ABI1: variants seen among roughly 807,000 people sequenced by gnomAD.
The protein encoded by ABI1 is Abelson interactor 1.
Under a neutral mutation model 54.6 loss-of-function variants are expected in ABI1, and 14 were observed. That is an observed-to-expected ratio of 0.26 (90% CI 0.17 to 0.40). The LOEUF is 0.40. Ranked by LOEUF, ABI1 falls within the 10% of genes least tolerant of loss-of-function variation. The pLI is 1.00. For missense variants in ABI1, 443 were observed against 598.3 expected, an observed-to-expected ratio of 0.74 and a Z score of 2.71; for synonymous variants, 194 against 209.3, an observed-to-expected ratio of 0.93 and a Z score of 0.63.
At chr10:26,780,660 A>T (rs1228160545) in intron 2 of ABI1, among the ~76,000 whole-genome samples, 1 of 152,160 alleles carries the variant, frequency 6.6e-6, no homozygotes, top group Non-Finnish European at 1.5e-5. Flanking sequence ...AAGAAAGATG[A>T]TTAGGAGTGG....
chr10:26,817,096 T>G (rs2047622640), intron 2 of ABI1, among the ~76,000 whole-genome samples: 1 of 151,538 alleles, frequency 6.6e-6, no homozygotes, highest in South Asian at 2.1e-4. Flanking sequence ...GCCTCCCGAG[T>G]TGAGGCGATT....
intron 1 of ABI1, among the ~76,000 whole-genome samples, chr10:26,838,942 T>C (rs1280809886): frequency 2.0e-5 from 3 of 152,200 alleles, no homozygotes; most frequent in Admixed American, 6.5e-5. Context: ...ATAATTCTAA[T>C]GTGGCCTCTA....
chr10:26,857,939 A>G (rs1271811321), intron 1 of ABI1, among the ~76,000 whole-genome samples: 2 of 152,188 alleles, frequency 1.3e-5, no homozygotes, highest in Admixed American at 6.5e-5. Context: ...ACAACCTACT[A>G]GTTAAAAGTC....
At position 26,823,321 on chromosome 10, in the gene ABI1, A is replaced by C. The variant is rs375823400; in HGVS notation, c.118-16T>G. ...TGTCTGTAGCCTGAAATAAGAACAA[A>C]AACAACAAATACTTATTTAGATTAA... On this transcript the variant is annotated splice_polypyrimidine_tract_variant and intron_variant, in intron 1 of 10. Transcript: ENST00000376140. The C allele has an allele frequency of 6.4e-5, 96 of 1,499,202 alleles. No homozygotes were observed. In the African/African-American group the frequency reaches 1.2e-3, roughly 20 times the overall value. 92.9% of individuals were successfully genotyped at this position (1,499,202 alleles called of 1,614,324 possible). A position where few individuals can be genotyped will look rare whatever the true frequency, so the allele number is the denominator to read the frequency against.
intron 2 of ABI1, among the ~76,000 whole-genome samples, chr10:26,807,830 G>A (rs1184143965): frequency 6.6e-6 from 1 of 152,160 alleles, no homozygotes; most frequent in East Asian, 1.9e-4. Flanking sequence ...GGTGGCTCAC[G>A]TTTGTAATCC....
chr10:26,829,490 C>CT (rs1320269232), intron 1 of ABI1, among the ~76,000 whole-genome samples: 2 of 152,066 alleles, frequency 1.3e-5, no homozygotes, highest in South Asian at 4.1e-4. Context: ...CAAAAAGAAA[C>CT]TTTGTGAGGC....
At chr10:26,801,342 T>C (rs2046544612) in intron 2 of ABI1, among the ~76,000 whole-genome samples, 1 of 151,856 alleles carries the variant, frequency 6.6e-6, no homozygotes, top group South Asian at 2.1e-4. Flanking sequence ...AGCTCACAAG[T>C]TTGAGACCAG....
At chr10:26,767,167 T>C (rs1051776250) in intron 6 of ABI1, among the ~76,000 whole-genome samples, 1 of 152,198 alleles carries the variant, frequency 6.6e-6, no homozygotes, top group Non-Finnish European at 1.5e-5. Context: ...GCTTCCACTA[T>C]AGAGAAAAAC....
At chr10:26,764,095 T>C (rs1467294400) in intron 7 of ABI1, 5 of 567,740 alleles carry the variant, frequency 8.8e-6, no homozygotes, top group Non-Finnish European at 1.5e-5. Context: ...CAAATGAGTA[T>C]GAATTTTGTA....
rs772702867 is a variant in ABI1 at position 26,777,249 on chromosome 10, T to A, written c.286-8A>T. 2 of 1,595,624 alleles carry A rather than the reference T, an allele frequency of 1.3e-6. No individual in the cohort carries two copies. Among genetic ancestry groups the A allele is most frequent in the Non-Finnish European group, 1.7e-6 (2 of 1,172,128 alleles). On this transcript the variant is annotated splice_region_variant and splice_polypyrimidine_tract_variant and intron_variant, in intron 2 of 10. Coordinates refer to ENST00000376140, the MANE Select transcript of ABI1 (RefSeq NM_001012750.3). ...CTTATGAATATCCACAGTCTATATTTTAATTTGAACAAAACAAGAAAATAT... is the reference window on the plus strand; with the variant it reads ...CTTATGAATATCCACAGTCTATATTATAATTTGAACAAAACAAGAAAATAT...
Position 26,788,244 on chromosome 10 carries a change from C to A in ABI1, c.286-11003G>T, listed in dbSNP as rs534637246. Among the ~76,000 whole-genome samples, 6 of 152,288 alleles carry A rather than the reference C, an allele frequency of 3.9e-5. No homozygotes were observed. In the South Asian group the frequency reaches 1.2e-3, roughly 32 times the overall value. ...TTGCCTCCCGGCATGATTCTTAGGC[C>A]TCCCCAGCCATGTGGAACTATAAGC... is the stretch of plus-strand genomic sequence containing the variant. On this transcript the variant is annotated intron_variant, in intron 2 of 10. Transcript: ENST00000376140.
chr10:26,797,828 G>A (rs1052766689), intron 2 of ABI1, among the ~76,000 whole-genome samples: 2 of 152,138 alleles, frequency 1.3e-5, no homozygotes, highest in Admixed American at 6.5e-5. Context: ...TCACTGAGGG[G>A]TTTTGATTGA....
chr10:26,839,788 A>C (rs1295933721), intron 1 of ABI1: 4 of 701,004 alleles, frequency 5.7e-6, no homozygotes, highest in African/African-American at 1.8e-5. Flanking sequence ...ATGTCTCTAC[A>C]GAAAAAATAA....
intron 7 of ABI1, among the ~76,000 whole-genome samples, chr10:26,764,573 A>C (rs1371480114): frequency 1.3e-5 from 2 of 152,182 alleles, no homozygotes; most frequent in African/African-American, 4.8e-5. Context: ...TGAAATAATA[A>C]ATGTCATTCT....
At chr10:26,807,430 CA>C (rs1382169214) in intron 2 of ABI1, among the ~76,000 whole-genome samples, 1 of 152,000 alleles carries the variant, frequency 6.6e-6, no homozygotes, top group Non-Finnish European at 1.5e-5. Flanking sequence ...TGCAGTGAAC[CA>C]TAATCACACC....
intron 1 of ABI1, among the ~76,000 whole-genome samples, chr10:26,826,335 C>T (rs1487071093): frequency 6.6e-6 from 1 of 152,098 alleles, no homozygotes; most frequent in African/African-American, 2.4e-5. Context: ...TCTTTTTATC[C>T]GAGCAGGTCT....
chr10:26,765,292 C>T lies in ABI1; in HGVS notation c.746G>A (p.Arg249Gln). Residue 249 changes from arginine (R) to glutamine (Q), a missense_variant, in exon 7 of 11, where the codon CGA becomes CAA. Arg to Gln is a conservative substitution (Grantham distance 43, BLOSUM62 1). Around this residue, in one of 2 missense-constraint regions of ABI1, gnomAD observed 394 missense variants for 484.8 expected, o/e 0.81. Transcript: ENST00000376140. ...AATACTACTGCTACCACTGTTTTCT[C>T]GACTTCCACTTCCTCCACTACTTCC... ...HSGSSGGSGS[R>Q]ENSGSSSIGI... 1.9e-6 allele frequency: 3 copies of T among 1,590,978 alleles called. No individual in the cohort carries two copies. The highest frequency in any genetic ancestry group is 1.7e-6 in the Non-Finnish European group (2 of 1,173,800).
intron 2 of ABI1, among the ~76,000 whole-genome samples, chr10:26,801,670 G>T (rs2046572723): frequency 6.6e-6 from 1 of 152,168 alleles, no homozygotes. Flanking sequence ...CCTGTAACTT[G>T]CAATCCAATA....
intron 1 of ABI1, among the ~76,000 whole-genome samples, chr10:26,844,891 T>C (rs11015335): frequency 0.26 from 38,843 of 152,058 alleles, 5,629 homozygotes; most frequent in South Asian, 0.44. Flanking sequence ...CTCTTTACAG[T>C]GAGACAAATG....
Sources: gnomAD v4.1 joint callset for allele counts (sites outside exome capture counted in the v4.1 genomes callset) on GRCh38, gnomAD v4.1.1 for gene constraint, gnomAD v4.1.1 regional missense constraint, MANE v1.5 for transcripts, NCBI Gene and HGNC (gene_info 2026-07-23, HGNC 2026-07-21) for gene names.